LRRTM4: variants seen among roughly 807,000 people sequenced by gnomAD.
LRRTM4 encodes the protein leucine rich repeat transmembrane neuronal 4, also known as leucine-rich repeat transmembrane neuronal protein 4.
In LRRTM4, 25 loss-of-function variants were observed where a neutral mutation model predicts 47.6. The observed-to-expected ratio is 0.53, with a 90% CI of 0.38 to 0.73. The LOEUF (loss-of-function observed/expected upper bound fraction) is 0.73, where lower values mean the gene tolerates loss of function less well. LRRTM4 is among the 30% of genes least tolerant of loss of function. LRRTM4 has a pLI of 0.00. For synonymous variants in LRRTM4, 311 were observed against 269.5 expected (o/e 1.15, Z -1.51); for missense variants, 638 against 713.4 (o/e 0.89, Z 1.20).
At chr2:77,465,098 G>A (rs1676934420) in intron 3 of LRRTM4, among the ~76,000 whole-genome samples, 1 of 151,984 alleles carries the variant, frequency 6.6e-6, no homozygotes, top group South Asian at 2.1e-4. Flanking sequence ...ATTTTTTATT[G>A]AAGTCCCACA....
At chr2:77,490,743 G>A (rs953401890) in intron 3 of LRRTM4, among the ~76,000 whole-genome samples, 6 of 152,258 alleles carry the variant, frequency 3.9e-5, no homozygotes, top group Admixed American at 3.9e-4. Flanking sequence ...AGTTGCTGCT[G>A]ATCTAAGAAG....
At chr2:76,760,397 G>C (rs1292950377) in intron 3 of LRRTM4, among the ~76,000 whole-genome samples, 1 of 152,142 alleles carries the variant, frequency 6.6e-6, no homozygotes, top group Non-Finnish European at 1.5e-5. Context: ...GGAGATGTGT[G>C]AAAAGTGGCA....
intron 3 of LRRTM4, among the ~76,000 whole-genome samples, chr2:76,896,543 T>C (rs1006868146): frequency 1.3e-5 from 2 of 151,936 alleles, no homozygotes; most frequent in Non-Finnish European, 2.9e-5. Context: ...TTCCAAAAAT[T>C]AAATATGCTA....
In LRRTM4 at chr2:77,518,436, T is replaced by G; in HGVS notation, c.1433A>C (p.Asn478Thr). ...KKARESERQM[N>T]SPLQEYYVDY... ...CACATAATACTCCTGTAAAGGGGAA[T>G]TCATTTGTCTTTCAGACTCTCTGGC... Residue 478 changes from asparagine to threonine, a missense_variant, in exon 3 of 4, where the codon AAT becomes ACT. Coordinates refer to ENST00000409884, the MANE Select transcript of LRRTM4 (RefSeq NM_001134745.3). The G allele has an allele frequency of 6.2e-7, 1 of 1,613,204 alleles. No individual in the cohort carries two copies. Among genetic ancestry groups the G allele is most frequent in the South Asian group, 1.1e-5 (1 of 91,064 alleles).
chr2:77,521,287 C>T (rs1027688197), intron 2 of LRRTM4, among the ~76,000 whole-genome samples: 2 of 151,988 alleles, frequency 1.3e-5, no homozygotes, highest in Non-Finnish European at 1.5e-5. Context: ...CCTACATACA[C>T]GCAGCAAAGT....
intron 3 of LRRTM4, among the ~76,000 whole-genome samples, chr2:77,064,649 T>C (rs966186402): frequency 6.6e-6 from 1 of 152,146 alleles, no homozygotes; most frequent in Non-Finnish European, 1.5e-5. Context: ...AGTTCGGGAG[T>C]GTATCATCAA....
intron 3 of LRRTM4, among the ~76,000 whole-genome samples, chr2:77,236,284 T>G (rs1394415636): frequency 6.6e-6 from 1 of 152,152 alleles, no homozygotes; most frequent in Non-Finnish European, 1.5e-5. Flanking sequence ...CTATTGTAAA[T>G]GTAATTGCAT....
chr2:76,881,333 A>T (rs1253727085), intron 3 of LRRTM4, among the ~76,000 whole-genome samples: 2 of 152,144 alleles, frequency 1.3e-5, no homozygotes, highest in Non-Finnish European at 2.9e-5. Context: ...TACTATTCAC[A>T]CATGGCCTAT....
chr2:76,775,288 C>T (rs1673915958), intron 3 of LRRTM4, among the ~76,000 whole-genome samples: 2 of 152,062 alleles, frequency 1.3e-5, no homozygotes, highest in South Asian at 4.1e-4. Flanking sequence ...GGTTATCTTC[C>T]ACAACATTGG....
At chr2:76,973,056 A>C (rs935639372) in intron 3 of LRRTM4, among the ~76,000 whole-genome samples, 32 of 152,064 alleles carry the variant, frequency 2.1e-4, no homozygotes, top group African/African-American at 6.3e-4. Context: ...CACTAAAACA[A>C]TGAAAGCATG....
At chr2:77,428,137 T>C (rs1675198156) in intron 3 of LRRTM4, among the ~76,000 whole-genome samples, 1 of 152,202 alleles carries the variant, frequency 6.6e-6, no homozygotes, top group Non-Finnish European at 1.5e-5. Context: ...ATGTGTTTCC[T>C]TTCCTTTCTG....
intron 3 of LRRTM4, among the ~76,000 whole-genome samples, chr2:76,916,269 C>G (rs2103794551): frequency 6.6e-6 from 1 of 151,020 alleles, no homozygotes; most frequent in East Asian, 2.0e-4. Context: ...CCTGTAGTCC[C>G]AGCTACTCAG....
intron 3 of LRRTM4, among the ~76,000 whole-genome samples, chr2:77,219,643 C>T (rs957945428): frequency 6.6e-6 from 1 of 152,172 alleles, no homozygotes; most frequent in South Asian, 2.1e-4. Context: ...ATTTTTGCAT[C>T]TTGGAATCAG....
intron 3 of LRRTM4, among the ~76,000 whole-genome samples, chr2:77,470,871 T>A (rs764209619): frequency 2.6e-5 from 4 of 152,068 alleles, no homozygotes; most frequent in Non-Finnish European, 4.4e-5. Flanking sequence ...GGGACTCAGT[T>A]AGTACCAATA....
chr2:76,891,844 A>AG (rs1673265377), intron 3 of LRRTM4, among the ~76,000 whole-genome samples: 1 of 151,760 alleles, frequency 6.6e-6, no homozygotes, highest in African/African-American at 2.4e-5. Context: ...GATGCAAAAA[A>AG]GATAAAAGAT....
chr2:76,955,069 G>A (rs1329468169), intron 3 of LRRTM4, among the ~76,000 whole-genome samples: 1 of 151,714 alleles, frequency 6.6e-6, no homozygotes, highest in African/African-American at 2.4e-5. Flanking sequence ...TGCCTTCCAC[G>A]AAATCCTAAA....
chr2:76,961,625 A>G (rs2103914133), intron 3 of LRRTM4, among the ~76,000 whole-genome samples: 1 of 151,454 alleles, frequency 6.6e-6, no homozygotes, highest in African/African-American at 2.4e-5. Context: ...CAATAGTAAG[A>G]AAGGCGTTAG....
At chr2:76,842,450 T>C (rs572984880) in intron 3 of LRRTM4, among the ~76,000 whole-genome samples, 44 of 152,354 alleles carry the variant, frequency 2.9e-4, no homozygotes, top group African/African-American at 5.3e-4. Context: ...TTGATTTCCA[T>C]TGTATATTGA....
chr2:76,935,808 C>T (rs1236846363), intron 3 of LRRTM4, among the ~76,000 whole-genome samples: 1 of 152,174 alleles, frequency 6.6e-6, no homozygotes, highest in African/African-American at 2.4e-5. Flanking sequence ...TTGACTTCCT[C>T]TTTCCCTCAT....
Sources: allele counts gnomAD v4.1 joint callset (sites outside exome capture counted in the v4.1 genomes callset), GRCh38; gene constraint gnomAD v4.1.1; transcripts MANE v1.5; gene names NCBI Gene and HGNC (gene_info 2026-07-23, HGNC 2026-07-21).